The following HMG20A variants were observed in gnomAD, a reference collection of about 807,000 sequenced individuals.
HMG20A encodes the protein high mobility group protein 20A.
A neutral mutation model predicts 43.9 loss-of-function variants in HMG20A; 17 were observed. That is an observed-to-expected ratio of 0.39 (90% CI 0.27 to 0.58). The LOEUF is 0.58. HMG20A is among the 20% of genes least tolerant of loss of function. HMG20A has a pLI of 0.59. For missense variants in HMG20A, 341 were observed against 438.2 expected, an observed-to-expected ratio of 0.78 and a Z score of 1.98; for synonymous variants, 132 against 147.5, an observed-to-expected ratio of 0.89 and a Z score of 0.76.
chr15:77,442,329 G>A lies in HMG20A; in HGVS notation c.-4-16075G>A, dbSNP rs528101513. Among the ~76,000 whole-genome samples, 6 of 152,232 alleles carry A rather than the reference G, an allele frequency of 3.9e-5. No individual in the cohort carries two copies. In the East Asian group the frequency reaches 1.2e-3, roughly 29 times the overall value. On this transcript the variant is annotated intron_variant, in intron 1 of 9. Transcript: ENST00000336216. ...TATAGTGGAGATATTCAATAAGGAA[G>A]TCACAACACTTTTTTCCCCTCAGTA...
At chr15:77,430,353 T>G (rs1462852029) in intron 1 of HMG20A, among the ~76,000 whole-genome samples, 1 of 152,218 alleles carries the variant, frequency 6.6e-6, no homozygotes, top group African/African-American at 2.4e-5. Flanking sequence ...TTTCCACTTA[T>G]GACTCTGAGA....
In HMG20A at chr15:77,464,270, T is replaced by C; in HGVS notation, c.120T>C (p.Ser40=). ...GLNHPEVPYS[S]GATSSTNNPE... ...ATCACCCAGAGGTTCCATACAGTAG[T>C]GGCGCCACATCATCCACCAACAATC... Residue 40 remains serine (S), a synonymous_variant, in exon 3 of 10, where the codon AGT becomes AGC. Transcript: ENST00000336216. 1 of 1,613,906 alleles carries C rather than the reference T, an allele frequency of 6.2e-7. No homozygotes were observed. Among genetic ancestry groups the C allele is most frequent in the East Asian group, 2.2e-5 (1 of 44,870 alleles).
the HMG20A span, among the ~76,000 whole-genome samples, chr15:77,493,311 A>C: frequency 6.6e-6 from 1 of 152,066 alleles, no homozygotes; most frequent in East Asian, 1.9e-4. Context: ...AAAATGAAAA[A>C]CCAGTAGGAC....
chr15:77,518,500 T>C, the HMG20A span, among the ~76,000 whole-genome samples: 12 of 152,164 alleles, frequency 7.9e-5, no homozygotes, highest in African/African-American at 2.9e-4. Flanking sequence ...CTTCCCTCAC[T>C]CTTACCTACA....
intron 2 of HMG20A, among the ~76,000 whole-genome samples, chr15:77,458,935 CCACCCCCTTCTCCT>C (rs2072681047): frequency 6.6e-6 from 1 of 152,102 alleles, no homozygotes; most frequent in Non-Finnish European, 1.5e-5. Context: ...TTTCCCCATC[CCACCCCCTTCTCCT>C]TTCTGTGGGA....
intron 3 of HMG20A, among the ~76,000 whole-genome samples, chr15:77,466,490 G>A (rs1432523313): frequency 6.6e-6 from 1 of 152,178 alleles, no homozygotes; most frequent in Non-Finnish European, 1.5e-5. Context: ...CTGAGACTTA[G>A]ATATTAATTT....
chr15:77,495,978 C>T, the HMG20A span, among the ~76,000 whole-genome samples: 6 of 152,184 alleles, frequency 3.9e-5, no homozygotes, highest in Non-Finnish European at 8.8e-5. Flanking sequence ...CAAATTCCTG[C>T]CCCACTGGCT....
intron 8 of HMG20A, among the ~76,000 whole-genome samples, chr15:77,478,745 T>C (rs1399182401): frequency 6.6e-6 from 1 of 152,244 alleles, no homozygotes; most frequent in Admixed American, 6.5e-5. Context: ...TTAATATCTA[T>C]TTTCCCCTCT....
At chr15:77,439,204 T>C (rs1340942019) in intron 1 of HMG20A, among the ~76,000 whole-genome samples, 1 of 152,242 alleles carries the variant, frequency 6.6e-6, no homozygotes, top group East Asian at 1.9e-4. Context: ...GCCTTGGTTG[T>C]ATGATTGGAC....
intron 1 of HMG20A, among the ~76,000 whole-genome samples, chr15:77,436,520 A>G (rs1357298714): frequency 6.6e-6 from 1 of 150,516 alleles, no homozygotes; most frequent in Non-Finnish European, 1.5e-5. Flanking sequence ...GTGCAGTGGC[A>G]TGTTCTCGGC....
intron 9 of HMG20A, among the ~76,000 whole-genome samples, chr15:77,479,783 A>T (rs984455021): frequency 6.6e-6 from 1 of 152,192 alleles, no homozygotes; most frequent in African/African-American, 2.4e-5. Context: ...CAGCACTCAG[A>T]ACAAAATAAA....
intron 1 of HMG20A, among the ~76,000 whole-genome samples, chr15:77,450,531 C>T (rs543948364): frequency 3.8e-4 from 58 of 152,310 alleles, no homozygotes; most frequent in African/African-American, 1.3e-3. Context: ...GATTGTTTGG[C>T]ATCACCATTA....
At chr15:77,436,455 T>A (rs1850379016) in intron 1 of HMG20A, among the ~76,000 whole-genome samples, 1 of 149,084 alleles carries the variant, frequency 6.7e-6, no homozygotes, top group South Asian at 2.1e-4. Flanking sequence ...TCCATTTTCT[T>A]TTTTTTTTTT....
intron 1 of HMG20A, among the ~76,000 whole-genome samples, chr15:77,444,612 G>A (rs1287892381): frequency 6.6e-6 from 1 of 152,188 alleles, no homozygotes; most frequent in Non-Finnish European, 1.5e-5. Context: ...GGTGAGAACT[G>A]AGGCTCTGTG....
the HMG20A span, among the ~76,000 whole-genome samples, chr15:77,494,045 G>A: frequency 2.6e-5 from 4 of 152,184 alleles, no homozygotes; most frequent in Non-Finnish European, 5.9e-5. Context: ...TCCTGGCACT[G>A]CTCTGAAGGC....
chr15:77,473,056 G>A (rs977838182), intron 6 of HMG20A, among the ~76,000 whole-genome samples: 2 of 152,186 alleles, frequency 1.3e-5, no homozygotes, highest in Non-Finnish European at 2.9e-5. Context: ...TTTTACATGT[G>A]TTTGGTTTTT....
the HMG20A span, among the ~76,000 whole-genome samples, chr15:77,517,026 G>A: frequency 2.0e-5 from 3 of 152,164 alleles, no homozygotes; most frequent in Non-Finnish European, 4.4e-5. Flanking sequence ...ACCCCTGCTC[G>A]AGCCAGTCTT....
At chr15:77,478,664 A>C (rs2072879391) in intron 8 of HMG20A, among the ~76,000 whole-genome samples, 154 bp downstream of exon 8, 1 of 152,166 alleles carries the variant, frequency 6.6e-6, no homozygotes, top group Non-Finnish European at 1.5e-5. Flanking sequence ...ATATAATAGA[A>C]TGTCAGTATT....
chr15:77,449,729 A>C lies in HMG20A; in HGVS notation c.-4-8675A>C, dbSNP rs190535678. Among the ~76,000 whole-genome samples the C allele has an allele frequency of 1.6e-3, 242 of 152,204 alleles. 2 individuals are homozygous for C. Among genetic ancestry groups the C allele is most frequent in the African/African-American group, 5.3e-3 (220 of 41,524 alleles). On this transcript the variant is annotated intron_variant, in intron 1 of 9. Coordinates refer to ENST00000336216, the MANE Select transcript of HMG20A (RefSeq NM_001304504.2). ...CTTCCTATATATTCCCTGTCCCCCC[A>C]CACACACAGCCTCCCCAACTATCAA...
Sources: allele counts gnomAD v4.1 joint callset (sites outside exome capture counted in the v4.1 genomes callset), GRCh38; gene constraint gnomAD v4.1.1; transcripts MANE v1.5; gene names NCBI Gene and HGNC (gene_info 2026-07-23, HGNC 2026-07-21).